Variants in JAM2 observed in about 807,000 individuals in gnomAD.
The protein encoded by JAM2 is junctional adhesion molecule B.
A neutral mutation model predicts 42.0 loss-of-function variants in JAM2; 17 were observed. That is an observed-to-expected ratio of 0.40 (90% confidence interval 0.28 to 0.61). The LOEUF (loss-of-function observed/expected upper bound fraction) is 0.61, where lower values mean the gene tolerates loss of function less well. JAM2 is among the 20% of genes least tolerant of loss of function. The pLI is 0.37. For synonymous variants in JAM2, 118 were observed against 128.6 expected (o/e 0.92, Z 0.56); for missense variants, 319 against 358.3 (o/e 0.89, Z 0.89).
intron 1 of JAM2, among the ~76,000 whole-genome samples, chr21:25,682,712 A>G (rs1284993022): frequency 2.6e-5 from 4 of 152,216 alleles, no homozygotes; most frequent in Admixed American, 2.6e-4. Flanking sequence ...AGCATCCCAG[A>G]AAAATCGGGT....
chr21:25,652,422 A>G (rs2032808053), intron 1 of JAM2, among the ~76,000 whole-genome samples: 2 of 152,196 alleles, frequency 1.3e-5, no homozygotes, highest in African/African-American at 2.4e-5. Context: ...AAGGAAATGA[A>G]CCTACTGTAT....
rs35767783 is a variant in JAM2 at position 25,697,927 on chromosome 21, GCACACA to G, written c.395-730_395-725del. Among the ~76,000 whole-genome samples the G allele has an allele frequency of 6.0e-3, 870 of 146,124 alleles. 7 individuals are homozygous for G. Among genetic ancestry groups the G allele is most frequent in the African/African-American group, 0.021 (826 of 39,774 alleles). ...TGTCTCAAAAAAAAAAAATCTATCT[GCACACA>G]CACACACACACACACACACTCTCTC... On this transcript the variant is annotated intron_variant, in intron 4 of 9. Coordinates refer to ENST00000480456, the MANE Select transcript of JAM2 (RefSeq NM_021219.4).
chr21:25,682,308 A>C (rs1217614262), intron 1 of JAM2, among the ~76,000 whole-genome samples: 2 of 152,252 alleles, frequency 1.3e-5, no homozygotes, highest in African/African-American at 4.8e-5. Context: ...ATGTAGATCA[A>C]AGACGGAATT....
At chr21:25,697,927 G>GCACACACA (rs35767783) in intron 4 of JAM2, among the ~76,000 whole-genome samples, 11 of 146,072 alleles carry the variant, frequency 7.5e-5, no homozygotes, top group Non-Finnish European at 1.5e-4. Flanking sequence ...AAATCTATCT[G>GCACACACA]CACACACACA....
At chr21:25,673,429 G>C (rs1568899680) in intron 1 of JAM2, among the ~76,000 whole-genome samples, 1 of 152,164 alleles carries the variant, frequency 6.6e-6, no homozygotes, top group Admixed American at 6.5e-5. Flanking sequence ...CGAAGAACCA[G>C]AAAAGGGAGA....
chr21:25,680,731 C>A (rs979908316), intron 1 of JAM2, among the ~76,000 whole-genome samples: 1 of 152,002 alleles, frequency 6.6e-6, no homozygotes, highest in African/African-American at 2.4e-5. Flanking sequence ...ACAAAATACT[C>A]CATAAAAAGG....
At chr21:25,659,469 T>A (rs924361426) in intron 1 of JAM2, among the ~76,000 whole-genome samples, 2 of 152,228 alleles carry the variant, frequency 1.3e-5, no homozygotes, top group Non-Finnish European at 2.9e-5. Context: ...TTTGGTGCCA[T>A]TTTGTAATTT....
intron 4 of JAM2, among the ~76,000 whole-genome samples, chr21:25,696,643 T>G (rs971120846): frequency 6.6e-6 from 1 of 152,006 alleles, no homozygotes; most frequent in South Asian, 2.1e-4. Context: ...GAAATAAAGG[T>G]GTTGACAAGG....
At chr21:25,694,399 C>T (rs2033950560) in intron 4 of JAM2, among the ~76,000 whole-genome samples, 1 of 152,152 alleles carries the variant, frequency 6.6e-6, no homozygotes, top group African/African-American at 2.4e-5. Flanking sequence ...TTTACTTCAT[C>T]TTCATTAATA....
intron 3 of JAM2, among the ~76,000 whole-genome samples, chr21:25,693,089 G>A (rs938060331): frequency 7.2e-5 from 11 of 152,082 alleles, no homozygotes; most frequent in Admixed American, 6.6e-4. Flanking sequence ...TCAGTGAACT[G>A]CTTAACTGAC....
chr21:25,661,197 A>AT (rs921673397), intron 1 of JAM2, among the ~76,000 whole-genome samples: 2 of 152,168 alleles, frequency 1.3e-5, no homozygotes, highest in African/African-American at 4.8e-5. Flanking sequence ...TAATGCCTGT[A>AT]ATACCAGCAC....
chr21:25,712,124 A>C, intron 8 of JAM2: 1 of 559,006 alleles, frequency 1.8e-6, no homozygotes, highest in Non-Finnish European at 3.3e-6. Context: ...TTACGTGCAC[A>C]AGGCTTCACA....
Position 25,717,536 on chromosome 21 carries a change from C to G in JAM2, c.*2864C>G, listed in dbSNP as rs373831745. ...TCCTTTTTCCACAGGTGGCTTTGTT[C>G]GATTAAAGTCTACACTAATAAAAAT... is the stretch of plus-strand genomic sequence containing the variant. On this transcript the variant is annotated 3_prime_UTR_variant, in exon 10 of 10. Transcript: ENST00000480456. The G allele has an allele frequency of 3.9e-5, 48 of 1,235,864 alleles. No individual in the cohort carries two copies. Among genetic ancestry groups the G allele is most frequent in the East Asian group, 2.8e-4 (10 of 35,508 alleles). 76.6% of individuals were successfully genotyped at this position (1,235,864 alleles called of 1,614,324 possible).
At chr21:25,714,333 C>T in intron 9 of JAM2, 1 of 592,400 alleles carries the variant, frequency 1.7e-6, no homozygotes, top group South Asian at 1.8e-5. Context: ...GGTGAAACCC[C>T]ATCTCTACTA....
chr21:25,644,545 C>T (rs962571524), intron 1 of JAM2, among the ~76,000 whole-genome samples: 3 of 152,220 alleles, frequency 2.0e-5, no homozygotes, highest in African/African-American at 7.2e-5. Context: ...CTCATCAGGA[C>T]CCTTGTCATT....
At chr21:25,671,894 C>T (rs1371768164) in intron 1 of JAM2, among the ~76,000 whole-genome samples, 2 of 152,196 alleles carry the variant, frequency 1.3e-5, no homozygotes, top group African/African-American at 4.8e-5. Context: ...TTAGAGAATC[C>T]TTTTGATCTC....
At chr21:25,707,733 A>G (rs1311922948) in intron 7 of JAM2, among the ~76,000 whole-genome samples, 1 of 152,226 alleles carries the variant, frequency 6.6e-6, no homozygotes, top group East Asian at 1.9e-4. Flanking sequence ...TATCAGGGCC[A>G]CTGGCAATAG....
chr21:25,699,026 T>A, intron 5 of JAM2, 147 bp downstream of exon 5: 1 of 684,330 alleles, frequency 1.5e-6, no homozygotes. Context: ...TGGCAGCACT[T>A]GTACCACGAA....
At chr21:25,699,782 G>A (rs1353733685) in intron 5 of JAM2, among the ~76,000 whole-genome samples, 1 of 143,208 alleles carries the variant, frequency 7.0e-6, no homozygotes, top group Admixed American at 7.1e-5. Context: ...AAGTAACAGT[G>A]CCCCAAAGCC....
Sources: gnomAD v4.1 joint callset for allele counts (sites outside exome capture counted in the v4.1 genomes callset) on GRCh38, gnomAD v4.1.1 for gene constraint, MANE v1.5 for transcripts, NCBI Gene and HGNC (gene_info 2026-07-23, HGNC 2026-07-21) for gene names.